The following GPR89A variants were observed in gnomAD, a reference collection of about 807,000 sequenced individuals.
GPR89A encodes the protein G protein-coupled receptor 89A.
A neutral mutation model predicts 52.0 loss-of-function variants in GPR89A; 16 were observed. The ratio of observed to expected loss-of-function variants is 0.31; its 90% CI spans 0.21 to 0.47. GPR89A has a LOEUF of 0.47. Among genes scored for constraint, GPR89A ranks in the 20% least tolerant of loss-of-function variants. The pLI is 1.00. For synonymous variants in GPR89A, 55 were observed against 150.9 expected, an observed-to-expected ratio of 0.36 and a Z score of 4.66; for missense variants, 135 against 449.4, an observed-to-expected ratio of 0.30 and a Z score of 6.33.
intron 2 of GPR89A, among the ~76,000 whole-genome samples, chr1:145,617,197 C>G (rs1490713407): frequency 1.8e-4 from 27 of 152,114 alleles, no homozygotes; most frequent in African/African-American, 5.6e-4. Flanking sequence ...GAATGCATTC[C>G]TTCCCCAGGG....
At chr1:145,655,309 C>T (rs587731649) in intron 10 of GPR89A, among the ~76,000 whole-genome samples, 2 of 152,114 alleles carry the variant, frequency 1.3e-5, no homozygotes, top group African/African-American at 4.8e-5. Context: ...GTGCATCCAT[C>T]TCAGCCTCAG....
rs587676900 is a variant in GPR89A, at chr1:145,640,203, C to T, written c.618-3666C>T. Among the ~76,000 whole-genome samples the T allele has an allele frequency of 1.4e-4, 12 of 86,366 alleles. No individual in the cohort carries two copies. In the East Asian group the frequency reaches 2.6e-3, roughly 19 times the overall value. The allele number at this position is 86,366 out of a possible 152,430, so 56.7% of individuals were successfully genotyped here. On this transcript the variant is annotated intron_variant, in intron 7 of 13. Transcript: ENST00000313835. ...TTGCCCTCCAGCCTGGGCAACAGAG[C>T]GAGACTCCGTCTCAAAAAAAAAAAT...
chr1:145,658,636 T>C (rs1553694895), intron 10 of GPR89A, among the ~76,000 whole-genome samples: 3 of 149,220 alleles, frequency 2.0e-5, no homozygotes, highest in African/African-American at 5.0e-5. Context: ...AAAAAAAAAT[T>C]CATATTTTCT....
chr1:145,664,026 CTT>C (rs1652389512), intron 11 of GPR89A, among the ~76,000 whole-genome samples: 2 of 150,240 alleles, frequency 1.3e-5, no homozygotes, highest in Non-Finnish European at 3.0e-5. Flanking sequence ...AGTTCAGTGT[CTT>C]TATTCATAAA....
chr1:145,626,947 T>TA (rs1553689120), intron 5 of GPR89A, among the ~76,000 whole-genome samples: 103 of 103,130 alleles, frequency 1.0e-3, no homozygotes, highest in Middle Eastern at 5.3e-3. Flanking sequence ...AGCGAGACTC[T>TA]ACAAAAAAAA....
chr1:145,666,542 G>A (rs1271048851), intron 12 of GPR89A, among the ~76,000 whole-genome samples: 2 of 151,624 alleles, frequency 1.3e-5, no homozygotes, highest in African/African-American at 4.8e-5. Context: ...AGGACCTACT[G>A]AATTCAACTA....
intron 10 of GPR89A, among the ~76,000 whole-genome samples, chr1:145,656,736 T>C (rs1202703021): frequency 6.6e-6 from 1 of 152,100 alleles, no homozygotes; most frequent in Non-Finnish European, 1.5e-5. Context: ...CAGTACAAAG[T>C]TGAATAGAAG....
intron 10 of GPR89A, among the ~76,000 whole-genome samples, chr1:145,653,003 C>A (rs587632494): frequency 1.6e-4 from 20 of 123,462 alleles, no homozygotes; most frequent in Admixed American, 1.5e-3. Flanking sequence ...TTGGTTATTT[C>A]TTATATTCTG....
rs1278685471 is a variant in GPR89A at position 145,670,418 on chromosome 1, T to C, written c.*378T>C. On this transcript the variant is annotated 3_prime_UTR_variant, in exon 14 of 14. Coordinates refer to ENST00000313835, the MANE Select transcript of GPR89A (RefSeq NM_001097612.2). ...GTTTTAAGGTTCACATGGAAAAGGTTATAGCTTTGCCTTGAGATTGACTCA... is the reference window on the plus strand; with the variant it reads ...GTTTTAAGGTTCACATGGAAAAGGTCATAGCTTTGCCTTGAGATTGACTCA... 1 of 371,176 alleles carries C rather than the reference T, an allele frequency of 2.7e-6. No individual in the cohort carries two copies. Among genetic ancestry groups the C allele is most frequent in the Non-Finnish European group, 5.1e-6 (1 of 196,262 alleles). The allele number at this position is 371,176 out of a possible 1,614,324, so 23.0% of individuals were successfully genotyped here.
intron 10 of GPR89A, among the ~76,000 whole-genome samples, chr1:145,658,074 G>T (rs1447563455): frequency 6.6e-6 from 1 of 150,836 alleles, no homozygotes; most frequent in Non-Finnish European, 1.5e-5. Context: ...TTCTGTCTCT[G>T]TAGATTTCCC....
chr1:145,616,336 G>T, intron 2 of GPR89A, 43 bp downstream of exon 2: 1 of 1,536,220 alleles, frequency 6.5e-7, no homozygotes, highest in Non-Finnish European at 8.9e-7. Flanking sequence ...ATATGATTTA[G>T]ATTGACAAGA....
intron 7 of GPR89A, among the ~76,000 whole-genome samples, chr1:145,635,394 A>G (rs1354218330): frequency 8.2e-6 from 1 of 121,594 alleles, no homozygotes; most frequent in Non-Finnish European, 1.7e-5. Flanking sequence ...TGATGGAGTG[A>G]GACTCCGTCT....
At chr1:145,620,267 G>C (rs1649050543) in intron 3 of GPR89A, among the ~76,000 whole-genome samples, 1 of 152,162 alleles carries the variant, frequency 6.6e-6, no homozygotes, top group African/African-American at 2.4e-5. Context: ...TGCTGTTGTA[G>C]AGAGAAAACA....
At position 145,650,151 on chromosome 1, in the gene GPR89A, G is replaced by A. The variant is rs587758028; in HGVS notation, c.909+2884G>A. Among the ~76,000 whole-genome samples, 21 of 151,506 alleles carry A rather than the reference G, an allele frequency of 1.4e-4. No individual in the cohort carries two copies. In the East Asian group the frequency reaches 2.5e-3, roughly 18 times the overall value. On this transcript the variant is annotated intron_variant, in intron 10 of 13. Coordinates refer to ENST00000313835, the MANE Select transcript of GPR89A (RefSeq NM_001097612.2). Reference sequence around the variant, plus strand: ...GCTCTCCCTCCCCCTCCCCGCCTTCGACAGGTCCCAGTTTGTGTTGTTCCC... The same window carrying A: ...GCTCTCCCTCCCCCTCCCCGCCTTCAACAGGTCCCAGTTTGTGTTGTTCCC...
At chr1:145,649,568 T>A (rs587649723) in intron 10 of GPR89A, among the ~76,000 whole-genome samples, 1 of 152,144 alleles carries the variant, frequency 6.6e-6, no homozygotes, top group African/African-American at 2.4e-5. Flanking sequence ...AATATTTGGT[T>A]GTTTCCAGTT....
At chr1:145,616,121 T>A (rs1267269107) in intron 1 of GPR89A, 113 bp from the exon 2 acceptor site, 1 of 689,202 alleles carries the variant, frequency 1.5e-6, no homozygotes, top group Non-Finnish European at 2.5e-6. Context: ...TTATCTTTAA[T>A]CCCTGAAATA....
intron 1 of GPR89A, 39 bp downstream of exon 1, chr1:145,608,214 C>T (rs1553685313): frequency 6.2e-7 from 1 of 1,613,690 alleles, no homozygotes; most frequent in Admixed American, 1.7e-5. Flanking sequence ...CGTCCGCCTC[C>T]CTTTACCGAA....
At chr1:145,620,018 AAAAT>A (rs1246279751) in intron 3 of GPR89A, among the ~76,000 whole-genome samples, 1 of 150,718 alleles carries the variant, frequency 6.6e-6, no homozygotes, top group African/African-American at 2.5e-5. Context: ...CCATCTCAAA[AAAAT>A]AAATAAATAA....
chr1:145,633,791 G>T (rs1650030796), intron 7 of GPR89A, among the ~76,000 whole-genome samples: 1 of 144,814 alleles, frequency 6.9e-6, no homozygotes. Flanking sequence ...AATTTTGATA[G>T]GAATTACATT....
Sources: gnomAD v4.1 joint callset for allele counts (sites outside exome capture counted in the v4.1 genomes callset) on GRCh38, gnomAD v4.1.1 for gene constraint, MANE v1.5 for transcripts, NCBI Gene and HGNC (gene_info 2026-07-23, HGNC 2026-07-21) for gene names.